Variants in CACNA1I observed in about 807,000 individuals in gnomAD.
CACNA1I encodes the protein voltage-dependent T-type calcium channel subunit alpha-1I.
CACNA1I carries 74 observed loss-of-function variants against 201.6 expected under a neutral mutation model. The ratio of observed to expected loss-of-function variants is 0.37; its 90% confidence interval spans 0.30 to 0.45. The LOEUF is 0.45. Among genes scored for constraint, CACNA1I ranks in the 20% least tolerant of loss-of-function variants. The pLI is 1.00. For missense variants in CACNA1I, 2,346 were observed against 3,138.1 expected (o/e 0.75, Z 6.03); for synonymous variants, 1,431 against 1,345.2 (o/e 1.06, Z -1.40).
rs1935804781 is a variant in CACNA1I, at chr22:39,684,663, G to A, written c.6027+165G>A. The A allele has an allele frequency of 1.4e-6, 1 of 721,050 alleles. No individual in the cohort carries two copies. Among genetic ancestry groups the A allele is most frequent in the South Asian group, 1.8e-5 (1 of 56,328 alleles). 44.7% of individuals were successfully genotyped at this position (721,050 alleles called of 1,614,324 possible). ...ACGCTGGGGTGACGCTGAGACTGGA[G>A]GGGGAGGTGGCACTGGGGCGGATGG... On this transcript the variant is annotated intron_variant, in intron 36 of 36. Coordinates refer to ENST00000402142, the MANE Select transcript of CACNA1I (RefSeq NM_021096.4). This position sits in a 1 kb window ranked among gnomAD's most constrained non-coding sequence, Gnocchi z 4.6.
At chr22:39,660,316 C>T (rs756064277) in intron 14 of CACNA1I, 28 bp from the exon 15 acceptor site, 5 of 1,574,054 alleles carry the variant, frequency 3.2e-6, no homozygotes, top group Non-Finnish European at 4.4e-6. Flanking sequence ...GACTGACCTG[C>T]ATTCTAACGT....
In CACNA1I at chr22:39,659,538, C is replaced by T. The variant is rs747099038; in HGVS notation, c.2436C>T (p.Val812=). The T allele has an allele frequency of 2.7e-5, 44 of 1,606,200 alleles. No individual in the cohort carries two copies. The South Asian group carries it at 3.4e-4, about 13-fold the overall frequency. The part of the protein sequence containing the change: ...KNFDSLLWAI[V]TVFQILTQED... The stretch of plus-strand genomic sequence containing the variant: ...TCGACTCCCTGCTGTGGGCCATCGT[C>T]ACTGTGTTCCAGGTGAGTGGCCGCT... Residue 812 remains valine, a synonymous_variant, in exon 13 of 37, where the codon GTC becomes GTT. Coordinates refer to ENST00000402142, the MANE Select transcript of CACNA1I (RefSeq NM_021096.4). This position sits in a 1 kb window ranked among gnomAD's most constrained non-coding sequence, Gnocchi z 4.3.
chr22:39,610,787 G>A (rs761680086), intron 3 of CACNA1I, among the ~76,000 whole-genome samples: 1 of 152,160 alleles, frequency 6.6e-6, no homozygotes, highest in Non-Finnish European at 1.5e-5. Flanking sequence ...GAGCTTTCAC[G>A]GTGGCAGGGT....
chr22:39,634,529 CCT>C, intron 4 of CACNA1I, 34 bp from the exon 5 acceptor site: 1 of 1,611,768 alleles, frequency 6.2e-7, no homozygotes, highest in Non-Finnish European at 8.5e-7. Flanking sequence ...ACCTCTGCTC[CCT>C]GTCTGACCAT....
chr22:39,612,003 G>A (rs1933399456), intron 3 of CACNA1I, among the ~76,000 whole-genome samples: 1 of 152,184 alleles, frequency 6.6e-6, no homozygotes, highest in Admixed American at 6.5e-5. Context: ...GCTGTTGTTT[G>A]AATGTGTCTC....
At position 39,665,997 on chromosome 22, in the gene CACNA1I, C is replaced by T; in HGVS notation, c.4095C>T (p.Asn1365=). The change falls in exon 23 of 37, where the codon AAC becomes AAT. Residue 1365 remains asparagine (N), a synonymous_variant. Coordinates refer to ENST00000402142, the MANE Select transcript of CACNA1I (RefSeq NM_021096.4). The surrounding 1 kb of genome is among the most constrained non-coding windows in gnomAD (Gnocchi z 5.5). The stretch of plus-strand genomic sequence containing the variant: ...TCCATCACAAATACAACTTCGACAA[C>T]CTGGGCCAGGTGAGCACCACCGTCC... The part of the protein sequence containing the change: ...RWVHHKYNFD[N]LGQALMSLFV... 1 of 1,613,658 alleles carries T rather than the reference C, an allele frequency of 6.2e-7. No homozygotes were observed. The highest frequency in any genetic ancestry group is 8.5e-7 in the Non-Finnish European group (1 of 1,179,824).
Position 39,659,140 on chromosome 22 carries a change from A to G in CACNA1I, c.2330+24A>G. On this transcript the variant is annotated intron_variant, in intron 12 of 36. Transcript: ENST00000402142. This position sits in a 1 kb window ranked among gnomAD's most constrained non-coding sequence, Gnocchi z 4.3. ...AGGTGAGCCTGCCCTGCTGGGGGCC[A>G]TACCTCAGCACCTGCTGGGGCTGTG... The G allele has an allele frequency of 6.2e-7, 1 of 1,609,386 alleles. No individual in the cohort carries two copies. Among genetic ancestry groups the G allele is most frequent in the Middle Eastern group, 1.9e-4 (1 of 5,262 alleles).
In CACNA1I at chr22:39,684,505, A is replaced by G. The variant is rs1935799083; in HGVS notation, c.6027+7A>G. The stretch of plus-strand genomic sequence containing the variant: ...CTGTACCCTCCTCCGGCAGGTACCG[A>G]CACCTCCCAGGCCCTAGAGCACTGG... On this transcript the variant is annotated splice_region_variant and intron_variant, in intron 36 of 36. Coordinates refer to ENST00000402142, the MANE Select transcript of CACNA1I (RefSeq NM_021096.4). This position sits in a 1 kb window ranked among gnomAD's most constrained non-coding sequence, Gnocchi z 4.6. 1.2e-6 allele frequency: 2 copies of G among 1,610,870 alleles called. No homozygotes were observed. Among genetic ancestry groups the G allele is most frequent in the East Asian group, 4.5e-5 (2 of 44,814 alleles).
intron 32 of CACNA1I, 80 bp from the exon 33 acceptor site, chr22:39,679,642 C>A: frequency 7.3e-7 from 1 of 1,361,364 alleles, no homozygotes; most frequent in Non-Finnish European, 1.0e-6. Flanking sequence ...ACCGGGAGGG[C>A]AGCTGTGTCC....
At chr22:39,592,335 G>A (rs995336552) in intron 1 of CACNA1I, among the ~76,000 whole-genome samples, 1 of 152,222 alleles carries the variant, frequency 6.6e-6, no homozygotes, top group Admixed American at 6.5e-5. Context: ...GGGTTTCCGT[G>A]TGAGTTTGAA....
chr22:39,672,654 C>T (rs933192691), intron 27 of CACNA1I, among the ~76,000 whole-genome samples: 1 of 152,216 alleles, frequency 6.6e-6, no homozygotes, highest in Non-Finnish European at 1.5e-5. Flanking sequence ...ACAGAGAGAG[C>T]AGCCAGCTCA....
chr22:39,594,678 G>C (rs1932859717), intron 1 of CACNA1I, among the ~76,000 whole-genome samples: 1 of 152,066 alleles, frequency 6.6e-6, no homozygotes. Flanking sequence ...CTCCTCTCTG[G>C]GTGGGGTCCT....
At chr22:39,635,302 T>C (rs1934180223) in intron 5 of CACNA1I, among the ~76,000 whole-genome samples, 1 of 152,128 alleles carries the variant, frequency 6.6e-6, no homozygotes, top group Admixed American at 6.5e-5. Flanking sequence ...TCACTTCCCT[T>C]TGTTGAGCCT....
intron 24 of CACNA1I, among the ~76,000 whole-genome samples, chr22:39,669,573 A>G (rs1234480180): frequency 6.8e-6 from 1 of 147,892 alleles, no homozygotes; most frequent in African/African-American, 2.5e-5. Flanking sequence ...GGGTGGGTAG[A>G]TAAATGAATG....
rs770252265 is a variant in CACNA1I at position 39,649,507 on chromosome 22, G to A, written c.1574G>A (p.Cys525Tyr). ...CCTCTCATTTGCTTTTCAGAGCTGT[G>A]CCCGCAACATAGCCCCCTGGATGCG... ...PGNDHSGREL[C>Y]PQHSPLDATP... The change falls in exon 10 of 37, where the codon TGC becomes TAC. Residue 525 changes from cysteine (C) to tyrosine (Y), a missense_variant. This residue lies in a region of CACNA1I where 312 missense variants were observed against 331.5 expected (regional missense o/e 0.94). Coordinates refer to ENST00000402142, the MANE Select transcript of CACNA1I (RefSeq NM_021096.4). This position sits in a 1 kb window ranked among gnomAD's most constrained non-coding sequence, Gnocchi z 7.3. 16 of 1,563,568 alleles carry A rather than the reference G, an allele frequency of 1.0e-5. No individual in the cohort carries two copies. The highest frequency in any genetic ancestry group is 2.4e-5 in the South Asian group (2 of 84,486).
chr22:39,609,789 C>G lies in CACNA1I; in HGVS notation c.482+9136C>G, dbSNP rs79637890. On this transcript the variant is annotated intron_variant, in intron 3 of 36. Coordinates refer to ENST00000402142, the MANE Select transcript of CACNA1I (RefSeq NM_021096.4). Reference sequence around the variant, plus strand: ...GAGAACGCCCATCATGGGGGCACTCCGAGTCAGCCACATTCCTCTCCTTGA... The same window carrying G: ...GAGAACGCCCATCATGGGGGCACTCGGAGTCAGCCACATTCCTCTCCTTGA... Among the ~76,000 whole-genome samples, 1,140 of 152,328 alleles carry G rather than the reference C, an allele frequency of 7.5e-3. 11 individuals are homozygous for G. Among genetic ancestry groups the G allele is most frequent in the African/African-American group, 0.025 (1,045 of 41,574 alleles).
chr22:39,636,875 A>C (rs943646184), intron 5 of CACNA1I, among the ~76,000 whole-genome samples: 1 of 152,166 alleles, frequency 6.6e-6, no homozygotes, highest in African/African-American at 2.4e-5. Context: ...CTCCGTCGTC[A>C]GGGCGGAGAA....
chr22:39,658,895 C>T (rs757759739), intron 11 of CACNA1I, 36 bp from the exon 12 acceptor site: 3 of 1,547,888 alleles, frequency 1.9e-6, no homozygotes, highest in Non-Finnish European at 2.6e-6. Context: ...CTGCTGCCTC[C>T]TACCTGTACC....
chr22:39,647,898 C>T lies in CACNA1I; in HGVS notation c.1539C>T (p.Ala513=). 6.2e-7 allele frequency: 1 copy of T among 1,613,662 alleles called. No homozygotes were observed. The highest frequency in any genetic ancestry group is 8.5e-7 in the Non-Finnish European group (1 of 1,179,860). Residue 513 remains alanine, a synonymous_variant, in exon 9 of 37, where the codon GCC becomes GCT. Coordinates refer to ENST00000402142, the MANE Select transcript of CACNA1I (RefSeq NM_021096.4). ...ATTGCCAGACTTTGCATGGGCCTGC[C>T]TCCCCTGGAAATGATCACTCGGGAA... ...SRHCQTLHGP[A]SPGNDHSGRE...
Sources: gnomAD v4.1 joint callset for allele counts (sites outside exome capture counted in the v4.1 genomes callset) on GRCh38, gnomAD v4.1.1 for gene constraint, gnomAD v4.1.1 regional missense constraint, Gnocchi (gnomAD v3.1) non-coding constraint, MANE v1.5 for transcripts, NCBI Gene and HGNC (gene_info 2026-07-23, HGNC 2026-07-21) for gene names.